EFCAB13: variants seen among roughly 807,000 people sequenced by gnomAD.
EFCAB13 encodes EF-hand calcium binding domain 13.
Under a neutral mutation model 110.2 loss-of-function variants are expected in EFCAB13, and 91 were observed. That is an observed-to-expected ratio of 0.83 (90% CI 0.70 to 0.98). The LOEUF is 0.98. Among genes scored for constraint, EFCAB13 ranks in the 50% least tolerant of loss-of-function variants. The pLI, the probability that EFCAB13 is intolerant of heterozygous loss-of-function variation, is 0.00. For synonymous variants in EFCAB13, 323 were observed against 369.9 expected (o/e 0.87, Z 1.45); for missense variants, 968 against 1,119.4 (o/e 0.86, Z 1.93).
In EFCAB13 at chr17:47,431,325, C is replaced by G. The variant is rs184234401; in HGVS notation, c.2638+1364C>G. Among the ~76,000 whole-genome samples the G allele has an allele frequency of 3.5e-3, 530 of 151,366 alleles. No homozygotes were observed. Among genetic ancestry groups the G allele is most frequent in the African/African-American group, 0.012 (487 of 41,286 alleles). The stretch of plus-strand genomic sequence containing the variant: ...TCTTTTTTTTCCTTTTTTCAGTCAG[C>G]TTCCCTAGGGTGAATATATCCCAAT... On this transcript the variant is annotated intron_variant, in intron 24 of 24. Transcript: ENST00000331493. This position sits in a 1 kb window ranked among gnomAD's most constrained non-coding sequence, Gnocchi z 4.1.
chr17:47,327,132 G>A (rs1049225090), intron 3 of EFCAB13, among the ~76,000 whole-genome samples: 16 of 151,998 alleles, frequency 1.1e-4, no homozygotes, highest in African/African-American at 3.9e-4. Flanking sequence ...TTTGAAGTGA[G>A]GCTACACCAT....
intron 9 of EFCAB13, among the ~76,000 whole-genome samples, chr17:47,348,965 C>G (rs560535638): frequency 1.3e-5 from 2 of 152,208 alleles, no homozygotes; most frequent in African/African-American, 2.4e-5. Flanking sequence ...GATATCTTAT[C>G]TAAAAGATCT....
intron 23 of EFCAB13, among the ~76,000 whole-genome samples, chr17:47,427,783 T>G (rs1210906199): frequency 6.6e-6 from 1 of 152,076 alleles, no homozygotes; most frequent in Non-Finnish European, 1.5e-5. Context: ...AATCTCTCCC[T>G]TCCCCTTTCT....
intron 23 of EFCAB13, chr17:47,423,550 G>A (rs1038001640): frequency 9.9e-6 from 3 of 303,636 alleles, no homozygotes; most frequent in Non-Finnish European, 1.8e-5. Context: ...TGCCAGGCAC[G>A]GTGCCGGCTG....
Position 47,391,436 on chromosome 17 carries a change from G to T in EFCAB13, c.1583-1G>T. 1.3e-6 allele frequency: 2 copies of T among 1,547,132 alleles called. No homozygotes were observed. Among genetic ancestry groups the T allele is most frequent in the Admixed American group, 2.1e-5 (1 of 47,248 alleles). Reference sequence around the variant, plus strand: ...TTATTAGCATACTCCTTTATTTTTAGCGTTGCCTGGTGTCATTAAAGCCAT... The same window carrying T: ...TTATTAGCATACTCCTTTATTTTTATCGTTGCCTGGTGTCATTAAAGCCAT... On this transcript the variant is annotated splice_acceptor_variant, in intron 14 of 24. Coordinates refer to ENST00000331493, the MANE Select transcript of EFCAB13 (RefSeq NM_152347.5). LOFTEE classifies it high-confidence loss of function.
intron 9 of EFCAB13, among the ~76,000 whole-genome samples, chr17:47,350,859 T>G (rs1351532119): frequency 6.6e-6 from 1 of 152,172 alleles, no homozygotes; most frequent in Non-Finnish European, 1.5e-5. Flanking sequence ...AATTCTTCTC[T>G]TCCTCCATTA....
chr17:47,347,822 T>A lies in EFCAB13; in HGVS notation c.532T>A (p.Cys178Ser). The change falls in exon 9 of 25, where the codon TGT (cysteine) becomes AGT (serine). Residue 178 changes from cysteine to serine, a missense_variant. Physicochemically the swap from Cys to Ser is moderately radical, Grantham distance 112. Coordinates refer to ENST00000331493, the MANE Select transcript of EFCAB13 (RefSeq NM_152347.5). ...SKELSALHKA[C>S]KIFSKIRSGK... ...TGTGTGTGCAGCACTTCATAAAGCC[T>A]GTAAAATTTTTAGTAAAATTCGAAG... 1 of 1,499,728 alleles carries A rather than the reference T, an allele frequency of 6.7e-7. No homozygotes were observed. Among genetic ancestry groups the A allele is most frequent in the Non-Finnish European group, 9.0e-7 (1 of 1,108,560 alleles). The allele number at this position is 1,499,728 out of a possible 1,614,324, so 92.9% of individuals were successfully genotyped here.
At position 47,414,847 on chromosome 17, in the gene EFCAB13, G is replaced by A; in HGVS notation, c.2423-1G>A. 1.3e-6 allele frequency: 2 copies of A among 1,595,534 alleles called. No homozygotes were observed. Among genetic ancestry groups the A allele is most frequent in the Non-Finnish European group, 1.7e-6 (2 of 1,167,486 alleles). On this transcript the variant is annotated splice_acceptor_variant, in intron 22 of 24. Coordinates refer to ENST00000331493, the MANE Select transcript of EFCAB13 (RefSeq NM_152347.5). LOFTEE classifies it high-confidence loss of function. Reference sequence around the variant, plus strand: ...CAGCATTTTTTACTTTGACCTTCCAGATAATATGGAGGTGGATTTAAAAGA... The same window carrying A: ...CAGCATTTTTTACTTTGACCTTCCAAATAATATGGAGGTGGATTTAAAAGA...
At chr17:47,404,107 C>A in intron 19 of EFCAB13, 86 bp downstream of exon 19, 1 of 1,053,894 alleles carries the variant, frequency 9.5e-7, no homozygotes, top group Non-Finnish European at 1.3e-6. Flanking sequence ...GCTTATGTTA[C>A]TATAAATGTA....
chr17:47,395,135 T>G (rs1567797428), intron 16 of EFCAB13, among the ~76,000 whole-genome samples: 3 of 152,172 alleles, frequency 2.0e-5, no homozygotes, highest in Non-Finnish European at 4.4e-5. Context: ...TAGACTGTCT[T>G]GCCTCCGTGT....
At chr17:47,325,923 AATATATATATATATATATATAT>A (rs60735562) in intron 2 of EFCAB13, among the ~76,000 whole-genome samples, 1,327 of 102,578 alleles carry the variant, frequency 0.013, 67 homozygotes, top group African/African-American at 0.048. Flanking sequence ...ATATAAACAA[AATATATATATATATATATATAT>A]ATATATATAT....
At position 47,440,533 on chromosome 17, in the gene EFCAB13, C is replaced by T; in HGVS notation, c.2741C>T (p.Pro914Leu). ...GKFYLICTYCPDLERQAVVYM... is the reference protein window; with the variant it reads ...GKFYLICTYCLDLERQAVVYM... The stretch of plus-strand genomic sequence containing the variant: ...TTTTATTTAATATGTACTTATTGCC[C>T]AGATCTAGAAAGGCAAGCAGTGGTT... The change falls in exon 25 of 25, where the codon CCA becomes CTA. Residue 914 changes from proline to leucine, a missense_variant. By Grantham distance (98) the Pro-to-Leu change is moderately conservative (BLOSUM62 -3). Transcript: ENST00000331493. 1 of 1,612,834 alleles carries T rather than the reference C, an allele frequency of 6.2e-7. No homozygotes were observed. The highest frequency in any genetic ancestry group is 1.1e-5 in the South Asian group (1 of 90,880).
chr17:47,382,567 G>C (rs2065652846), intron 14 of EFCAB13, among the ~76,000 whole-genome samples: 1 of 152,154 alleles, frequency 6.6e-6, no homozygotes, highest in African/African-American at 2.4e-5. Context: ...TTAGCATGAA[G>C]GGGTGCTTAA....
intron 18 of EFCAB13, among the ~76,000 whole-genome samples, chr17:47,402,512 CAT>C (rs1353694744): frequency 6.6e-6 from 1 of 152,158 alleles, no homozygotes; most frequent in East Asian, 1.9e-4. Flanking sequence ...AGTATCTACA[CAT>C]GTAATTTTAA....
rs546346345 is a variant in EFCAB13, at chr17:47,438,551, C to T, written c.2639-1880C>T. ...TGAGTTAATTAGAAGAACTTATCTT[C>T]GAGCTCTGAATTTCCTTCTTCTACT... On this transcript the variant is annotated intron_variant, in intron 24 of 24. Transcript: ENST00000331493. 7.8e-5 allele frequency among the ~76,000 whole-genome samples: 11 copies of T among 141,498 alleles called. No homozygotes were observed. The South Asian group carries it at 2.4e-3, about 31-fold the overall frequency. The allele number at this position is 141,498 out of a possible 152,430, so 92.8% of individuals were successfully genotyped here. A position where few individuals can be genotyped will look rare whatever the true frequency, so the allele number is the denominator to read the frequency against.
chr17:47,364,946 G>C (rs925281041), intron 10 of EFCAB13, among the ~76,000 whole-genome samples: 9 of 152,102 alleles, frequency 5.9e-5, no homozygotes, highest in Non-Finnish European at 7.4e-5. Context: ...TGTTGCATGT[G>C]TTCATTTCTC....
At chr17:47,368,031 A>G (rs546974186) in intron 10 of EFCAB13, among the ~76,000 whole-genome samples, 17 of 152,322 alleles carry the variant, frequency 1.1e-4, no homozygotes, top group Non-Finnish European at 2.9e-5. Context: ...AAGCTACAAC[A>G]GTTAGCTGAA....
chr17:47,393,862 A>G lies in EFCAB13; in HGVS notation c.1727-163A>G, dbSNP rs3752864. On this transcript the variant is annotated intron_variant, in intron 15 of 24. Coordinates refer to ENST00000331493, the MANE Select transcript of EFCAB13 (RefSeq NM_152347.5). ...TTCAGCGTTTACTTCTCTACTGTAA[A>G]TTGATTTGCTTTTCCCCTTTATACC... Among the ~76,000 whole-genome samples, 13,338 of 151,644 alleles carry G rather than the reference A, an allele frequency of 0.088. 849 individuals are homozygous for G. Among genetic ancestry groups the G allele is most frequent in the East Asian group, 0.35 (1,807 of 5,180 alleles).
chr17:47,405,606 G>T (rs1480163182), intron 20 of EFCAB13, among the ~76,000 whole-genome samples: 1 of 151,732 alleles, frequency 6.6e-6, no homozygotes, highest in Non-Finnish European at 1.5e-5. Flanking sequence ...AAATTGTATT[G>T]AGGTTAAAAT....
Sources: allele counts gnomAD v4.1 joint callset (sites outside exome capture counted in the v4.1 genomes callset), GRCh38; gene constraint gnomAD v4.1.1; non-coding constraint Gnocchi (gnomAD v3.1); transcripts MANE v1.5; gene names NCBI Gene and HGNC (gene_info 2026-07-23, HGNC 2026-07-21).